Variants in KPNA6 observed in about 807,000 individuals in gnomAD.
The protein encoded by KPNA6 is importin subunit alpha-7.
KPNA6 carries 9 observed loss-of-function variants against 72.0 expected under a neutral mutation model. The observed-to-expected ratio is 0.13, with a 90% CI of 0.08 to 0.22. The LOEUF (loss-of-function observed/expected upper bound fraction) is 0.22. Ranked by LOEUF, KPNA6 falls within the 10% of genes least tolerant of loss-of-function variation. KPNA6 has a pLI of 1.00. For missense variants in KPNA6, 374 were observed against 655.7 expected, an observed-to-expected ratio of 0.57 and a Z score of 4.69; for synonymous variants, 219 against 242.1, an observed-to-expected ratio of 0.90 and a Z score of 0.89.
chr1:32,173,788 A>G lies in KPNA6; in HGVS notation c.*2894A>G, dbSNP rs1008707357. 3 of 152,140 alleles carry G rather than the reference A, an allele frequency of 2.0e-5. No homozygotes were observed. Among genetic ancestry groups the G allele is most frequent in the African/African-American group, 7.2e-5 (3 of 41,404 alleles). 9.4% of individuals were successfully genotyped at this position (152,140 alleles called of 1,614,324 possible). On this transcript the variant is annotated 3_prime_UTR_variant, in exon 14 of 14. Coordinates refer to ENST00000373625, the MANE Select transcript of KPNA6 (RefSeq NM_012316.5). Reference sequence around the variant, plus strand: ...TGCCAGGATGGAGCCCCTCTACCCCAGTCTGCTGTAGGGAATACCCTAATT... The same window carrying G: ...TGCCAGGATGGAGCCCCTCTACCCCGGTCTGCTGTAGGGAATACCCTAATT...
In KPNA6 at chr1:32,108,091, C is replaced by A. The variant is rs1232638114; in HGVS notation, c.-40C>A. On this transcript the variant is annotated 5_prime_UTR_variant, in exon 1 of 14. Coordinates refer to ENST00000373625, the MANE Select transcript of KPNA6 (RefSeq NM_012316.5). Reference sequence around the variant, plus strand: ...CTGAAAGCTGCCGCTGAAGCTGCCGCCGTTGCCTCCGCCGCCAAGAGTGAG... The same window carrying A: ...CTGAAAGCTGCCGCTGAAGCTGCCGACGTTGCCTCCGCCGCCAAGAGTGAG... 4 of 1,613,840 alleles carry A rather than the reference C, an allele frequency of 2.5e-6. No homozygotes were observed. The highest frequency in any genetic ancestry group is 2.2e-5 in the South Asian group (2 of 91,058).
chr1:32,110,095 A>C (rs1569978915), intron 1 of KPNA6, among the ~76,000 whole-genome samples: 1 of 112,682 alleles, frequency 8.9e-6, no homozygotes. Context: ...AAGAAATTTC[A>C]CTCTTGTCTC....
chr1:32,128,252 C>T (rs962330321), intron 1 of KPNA6, among the ~76,000 whole-genome samples: 12 of 150,970 alleles, frequency 7.9e-5, no homozygotes, highest in African/African-American at 2.4e-4. Flanking sequence ...ACCTCCCTTC[C>T]GTAGATCTGA....
chr1:32,127,816 C>G (rs114554826), intron 1 of KPNA6, among the ~76,000 whole-genome samples: 1,872 of 152,308 alleles, frequency 0.012, 42 homozygotes, highest in African/African-American at 0.043. Context: ...AGAGAGTTCT[C>G]ACTCTCACTC....
intron 1 of KPNA6, among the ~76,000 whole-genome samples, chr1:32,131,636 A>G (rs554159020): frequency 1.5e-4 from 22 of 151,350 alleles, no homozygotes; most frequent in African/African-American, 4.8e-4. Context: ...ATATACATAT[A>G]TGTATGTGTA....
At chr1:32,162,282 T>G in intron 8 of KPNA6, 79 bp from the exon 9 acceptor site, 2 of 1,317,858 alleles carry the variant, frequency 1.5e-6, no homozygotes, top group Non-Finnish European at 2.1e-6. Context: ...GTGGGGGCGG[T>G]GGTTGCAATG....
At chr1:32,145,421 T>C (rs1641913606) in intron 1 of KPNA6, among the ~76,000 whole-genome samples, 1 of 151,112 alleles carries the variant, frequency 6.6e-6, no homozygotes, top group African/African-American at 2.4e-5. Context: ...GCCTCTTAGG[T>C]TCAAGTGATT....
At chr1:32,167,847 C>CT (rs1206279159) in intron 12 of KPNA6, among the ~76,000 whole-genome samples, 1 of 142,354 alleles carries the variant, frequency 7.0e-6, no homozygotes, top group East Asian at 2.0e-4. Flanking sequence ...GAGCCAGAGT[C>CT]TGTCACAAAA....
rs1374325271 is a variant in KPNA6 at position 32,175,710 on chromosome 1, G to C, written c.*4816G>C. 1 of 150,606 alleles carries C rather than the reference G, an allele frequency of 6.6e-6. No homozygotes were observed. Among genetic ancestry groups the C allele is most frequent in the African/African-American group, 2.5e-5 (1 of 40,702 alleles). The allele number at this position is 150,606 out of a possible 1,614,324, so 9.3% of individuals were successfully genotyped here. ...AGACAGGAGAATCACTTGAACCCAG[G>C]AGGCGGAGGTTGCAGTGAGCCAAGA... On this transcript the variant is annotated 3_prime_UTR_variant, in exon 14 of 14. Coordinates refer to ENST00000373625, the MANE Select transcript of KPNA6 (RefSeq NM_012316.5).
At chr1:32,161,478 C>G (rs1642237678) in intron 7 of KPNA6, among the ~76,000 whole-genome samples, 1 of 152,202 alleles carries the variant, frequency 6.6e-6, no homozygotes, top group Admixed American at 6.5e-5. Context: ...ATGAACTGTT[C>G]TTCAGAGACC....
At chr1:32,150,650 CAG>C (rs970822600) in intron 1 of KPNA6, among the ~76,000 whole-genome samples, 2 of 151,774 alleles carry the variant, frequency 1.3e-5, no homozygotes, top group Admixed American at 6.6e-5. Flanking sequence ...CATTTGGAGA[CAG>C]AGTCTCCCTC....
rs373082726 is a variant in KPNA6, at chr1:32,124,594, C to T, written c.4+16460C>T. ...CGATCTCGGCTCACTGCAACCTCTGCCTCCTGGGTTCATACAGTTCTCCTG... is the reference window on the plus strand; with the variant it reads ...CGATCTCGGCTCACTGCAACCTCTGTCTCCTGGGTTCATACAGTTCTCCTG... On this transcript the variant is annotated intron_variant, in intron 1 of 13. Transcript: ENST00000373625. Among the ~76,000 whole-genome samples, 4 of 151,672 alleles carry T rather than the reference C, an allele frequency of 2.6e-5. No individual in the cohort carries two copies. The East Asian group carries it at 5.9e-4, about 22-fold the overall frequency.
At chr1:32,149,261 G>T (rs1424168399) in intron 1 of KPNA6, among the ~76,000 whole-genome samples, 2 of 151,766 alleles carry the variant, frequency 1.3e-5, no homozygotes, top group African/African-American at 4.8e-5. Context: ...TTCATGTATT[G>T]TGTTTCAGAT....
chr1:32,158,016 T>C (rs966772168), intron 4 of KPNA6, among the ~76,000 whole-genome samples: 12 of 152,216 alleles, frequency 7.9e-5, no homozygotes, highest in Admixed American at 4.6e-4. Flanking sequence ...CTCCCACACC[T>C]TTCTTTGCTT....
intron 4 of KPNA6, among the ~76,000 whole-genome samples, chr1:32,157,793 G>A (rs1215076334): frequency 6.6e-6 from 1 of 152,022 alleles, no homozygotes; most frequent in African/African-American, 2.4e-5. Context: ...TAAACTCTCT[G>A]AGGGCAGAGA....
rs535203228 is a variant in KPNA6 at position 32,174,366 on chromosome 1, A to T, written c.*3472A>T. On this transcript the variant is annotated 3_prime_UTR_variant, in exon 14 of 14. Transcript: ENST00000373625. ...AGGAAAAGAAGGTTCTCAGGCACAG[A>T]CTTTCTATTTTTCTCAAGCCAAACC... 6.6e-6 allele frequency: 1 copy of T among 152,332 alleles called. No individual in the cohort carries two copies. Among genetic ancestry groups the T allele is most frequent in the African/African-American group, 2.4e-5 (1 of 41,576 alleles). 9.4% of individuals were successfully genotyped at this position (152,332 alleles called of 1,614,324 possible). A position where few individuals can be genotyped will look rare whatever the true frequency, so the allele number is the denominator to read the frequency against.
intron 1 of KPNA6, among the ~76,000 whole-genome samples, chr1:32,109,758 C>A (rs1641212453): frequency 6.6e-6 from 1 of 151,640 alleles, no homozygotes; most frequent in African/African-American, 2.4e-5. Flanking sequence ...CATTCTCCTG[C>A]CTCAGCCTCC....
At chr1:32,111,949 T>G (rs1331031318) in intron 1 of KPNA6, among the ~76,000 whole-genome samples, 1 of 152,148 alleles carries the variant, frequency 6.6e-6, no homozygotes, top group Non-Finnish European at 1.5e-5. Context: ...TTTTCACCAT[T>G]ACTACTACTG....
At position 32,109,647 on chromosome 1, in the gene KPNA6, C is replaced by CTT. The variant is rs34762782; in HGVS notation, c.4+1526_4+1527dup. Among the ~76,000 whole-genome samples the CTT allele has an allele frequency of 4.5e-4, 63 of 139,292 alleles. 1 individual carries two copies. Among genetic ancestry groups the CTT allele is most frequent in the African/African-American group, 1.1e-3 (41 of 37,974 alleles). 91.4% of individuals were successfully genotyped at this position (139,292 alleles called of 152,430 possible). On this transcript the variant is annotated intron_variant, in intron 1 of 13. Coordinates refer to ENST00000373625, the MANE Select transcript of KPNA6 (RefSeq NM_012316.5). ...TTTGCATGTGGGCCCATTATGAAAT[C>CTT]TTTTTTTTTTTTTTGAGACGGAGTC... is the stretch of plus-strand genomic sequence containing the variant.
Sources: gnomAD v4.1 joint callset for allele counts (sites outside exome capture counted in the v4.1 genomes callset) on GRCh38, gnomAD v4.1.1 for gene constraint, MANE v1.5 for transcripts, NCBI Gene and HGNC (gene_info 2026-07-23, HGNC 2026-07-21) for gene names.